The following GRM1 variants were observed in gnomAD, a reference collection of about 807,000 sequenced individuals.
GRM1 encodes glutamate metabotropic receptor 1.
GRM1 carries 33 observed loss-of-function variants against 90.9 expected under a neutral mutation model. The ratio of observed to expected loss-of-function variants is 0.36; its 90% CI spans 0.28 to 0.49. GRM1 has a LOEUF of 0.49. GRM1 is among the 20% of genes least tolerant of loss of function. The pLI is 0.99. For synonymous variants in GRM1, 700 were observed against 613.2 expected, an observed-to-expected ratio of 1.14 and a Z score of -2.09; for missense variants, 1,190 against 1,534.3, an observed-to-expected ratio of 0.78 and a Z score of 3.75.
intron 2 of GRM1, among the ~76,000 whole-genome samples, chr6:146,301,097 A>T (rs1187481013): frequency 2.0e-5 from 3 of 152,146 alleles, no homozygotes; most frequent in Non-Finnish European, 4.4e-5. Flanking sequence ...TACCTGTGAT[A>T]GATTTAAGAT....
chr6:146,273,539 T>C (rs1170098776), intron 2 of GRM1, among the ~76,000 whole-genome samples: 1 of 152,190 alleles, frequency 6.6e-6, no homozygotes, highest in Non-Finnish European at 1.5e-5. Context: ...CTGGCCATGT[T>C]TTCAAAGAGC....
intron 1 of GRM1, among the ~76,000 whole-genome samples, chr6:146,035,208 GAAGT>G (rs1790845233): frequency 1.3e-5 from 2 of 151,936 alleles, no homozygotes; most frequent in Admixed American, 1.3e-4. Context: ...AATAAAAACA[GAAGT>G]AAGTCCTAAT....
intron 5 of GRM1, among the ~76,000 whole-genome samples, chr6:146,368,227 T>C (rs1775765386): frequency 7.1e-6 from 1 of 140,552 alleles, no homozygotes; most frequent in African/African-American, 2.7e-5. Flanking sequence ...GCAAATTTCC[T>C]GAATTCATTT....
At chr6:146,229,858 A>C (rs1780383575) in intron 2 of GRM1, among the ~76,000 whole-genome samples, 1 of 152,178 alleles carries the variant, frequency 6.6e-6, no homozygotes, top group Non-Finnish European at 1.5e-5. Context: ...CAGACCTATA[A>C]GATTGGCACT....
intron 1 of GRM1, among the ~76,000 whole-genome samples, chr6:146,140,678 TAACA>T (rs1776843145): frequency 6.6e-6 from 1 of 152,232 alleles, no homozygotes; most frequent in African/African-American, 2.4e-5. Context: ...ACAAATTAAC[TAACA>T]AACAAGCAAA....
At position 146,273,270 on chromosome 6, in the gene GRM1, G is replaced by T. The variant is rs118022237; in HGVS notation, c.951-31341G>T. Among the ~76,000 whole-genome samples the T allele has an allele frequency of 5.9e-5, 9 of 152,130 alleles. No homozygotes were observed. The East Asian group carries it at 1.5e-3, about 26-fold the overall frequency. On this transcript the variant is annotated intron_variant, in intron 2 of 7. Coordinates refer to ENST00000282753, the MANE Select transcript of GRM1 (RefSeq NM_001278064.2). ...GCTTCCTTGGTGTAGGGGCTTCCTT[G>T]GTTTAAGGTGAACACCCTTCAGCTG...
intron 1 of GRM1, among the ~76,000 whole-genome samples, chr6:146,059,765 C>T (rs773278999): frequency 4.6e-5 from 7 of 152,190 alleles, no homozygotes; most frequent in Non-Finnish European, 1.0e-4. Flanking sequence ...GCTTCTTCAT[C>T]TTGCACTTTG....
At chr6:146,296,243 G>A (rs1190494838) in intron 2 of GRM1, among the ~76,000 whole-genome samples, 1 of 152,190 alleles carries the variant, frequency 6.6e-6, no homozygotes, top group Non-Finnish European at 1.5e-5. Context: ...CCAGTAATGG[G>A]ATTGCTGGGT....
At chr6:146,294,639 T>C (rs1009533405) in intron 2 of GRM1, among the ~76,000 whole-genome samples, 32 of 152,162 alleles carry the variant, frequency 2.1e-4, no homozygotes, top group African/African-American at 7.7e-4. Context: ...GCTTCTTCTA[T>C]TAATAACAGA....
chr6:146,130,346 T>C (rs1179021590), intron 1 of GRM1, among the ~76,000 whole-genome samples: 1 of 149,696 alleles, frequency 6.7e-6, no homozygotes, highest in African/African-American at 2.4e-5. Flanking sequence ...GTTTTAACAA[T>C]TGTGTATTTC....
chr6:146,186,333 T>C (rs2114564678), intron 2 of GRM1, among the ~76,000 whole-genome samples: 1 of 152,174 alleles, frequency 6.6e-6, no homozygotes, highest in African/African-American at 2.4e-5. Flanking sequence ...ACTTTGCCTT[T>C]GTTGTTCAAA....
At chr6:146,424,610 C>A (rs1351145170) in intron 7 of GRM1, among the ~76,000 whole-genome samples, 1 of 152,236 alleles carries the variant, frequency 6.6e-6, no homozygotes, top group Non-Finnish European at 1.5e-5. Flanking sequence ...CACTAAACAT[C>A]AAGTGCAGGG....
intron 1 of GRM1, among the ~76,000 whole-genome samples, chr6:146,040,839 C>T (rs1791071329): frequency 1.3e-5 from 2 of 151,938 alleles, no homozygotes; most frequent in Admixed American, 1.3e-4. Context: ...CTTTCTACCA[C>T]TTGCCCTTTC....
chr6:146,145,045 A>G (rs554705185), intron 1 of GRM1, among the ~76,000 whole-genome samples: 1 of 152,364 alleles, frequency 6.6e-6, no homozygotes, highest in South Asian at 2.1e-4. Context: ...AATATCTGTC[A>G]GAATAAATTT....
At chr6:146,277,738 A>C (rs1290292558) in intron 2 of GRM1, among the ~76,000 whole-genome samples, 3 of 152,128 alleles carry the variant, frequency 2.0e-5, no homozygotes, top group African/African-American at 7.2e-5. Flanking sequence ...ACAGTTGTTC[A>C]AGTCTCATGA....
chr6:146,425,398 C>T (rs377526319), intron 7 of GRM1, among the ~76,000 whole-genome samples: 6 of 152,214 alleles, frequency 3.9e-5, no homozygotes, highest in African/African-American at 1.2e-4. Flanking sequence ...TCCTGCAATA[C>T]CTCTTCCTCC....
In GRM1 at chr6:146,434,679, C is replaced by G. The variant is rs762258021; in HGVS notation, c.3468C>G (p.Ala1156=). Reference sequence around the variant, plus strand: ...CGTCGCCTTTCCGCGACTCGGTGGCCTCGGGCAGCTCGGTGCCCAGCTCCC... The same window carrying G: ...CGTCGCCTTTCCGCGACTCGGTGGCGTCGGGCAGCTCGGTGCCCAGCTCCC... The part of the protein sequence containing the change: ...TPPSPFRDSV[A]SGSSVPSSPV... The change falls in exon 8 of 8, where the codon GCC becomes GCG. Residue 1156 remains alanine (A), a synonymous_variant. Transcript: ENST00000282753. 6.2e-7 allele frequency: 1 copy of G among 1,606,036 alleles called. No individual in the cohort carries two copies. The highest frequency in any genetic ancestry group is 2.2e-5 in the East Asian group (1 of 44,880).
At chr6:146,145,952 ATATAGT>A (rs1210812196) in intron 1 of GRM1, among the ~76,000 whole-genome samples, 2 of 152,062 alleles carry the variant, frequency 1.3e-5, no homozygotes, top group Non-Finnish European at 2.9e-5. Context: ...GACACTGGAC[ATATAGT>A]TAAAGGAGAT....
intron 6 of GRM1, among the ~76,000 whole-genome samples, chr6:146,388,561 G>A (rs1405798268): frequency 6.6e-6 from 1 of 152,072 alleles, no homozygotes; most frequent in Non-Finnish European, 1.5e-5. Flanking sequence ...GAAAGCTTTT[G>A]TAAGTCACCT....
Sources: allele counts gnomAD v4.1 joint callset (sites outside exome capture counted in the v4.1 genomes callset), GRCh38; gene constraint gnomAD v4.1.1; transcripts MANE v1.5; gene names NCBI Gene and HGNC (gene_info 2026-07-23, HGNC 2026-07-21).